Variants in RALGPS1 observed in about 807,000 individuals in gnomAD.
RALGPS1 encodes ras-specific guanine nucleotide-releasing factor RalGPS1.
Under a neutral mutation model 78.8 loss-of-function variants are expected in RALGPS1, and 19 were observed. The ratio of observed to expected loss-of-function variants is 0.24; its 90% confidence interval spans 0.17 to 0.35. The LOEUF is 0.35. Among genes scored for constraint, RALGPS1 ranks in the 10% least tolerant of loss-of-function variants. The pLI is 1.00. For missense variants in RALGPS1, 454 were observed against 688.3 expected (o/e 0.66, Z 3.81); for synonymous variants, 228 against 256.3 (o/e 0.89, Z 1.06).
At chr9:127,178,291 G>T in intron 11 of RALGPS1, 1 of 349,116 alleles carries the variant, frequency 2.9e-6, no homozygotes, top group Non-Finnish European at 5.1e-6. Context: ...GCATCTCAGG[G>T]GTCAGCCTCC....
rs532397703 is a variant in RALGPS1 at position 127,006,937 on chromosome 9, G to A, written c.217-27494G>A. ...ACTTTTGTGCATGAAAGGGAGAGAG[G>A]GAGAGAGGAGAGAGAGAAAGAGAGG... On this transcript the variant is annotated intron_variant, in intron 4 of 18. Coordinates refer to ENST00000259351, the MANE Select transcript of RALGPS1 (RefSeq NM_014636.3). 2.8e-3 allele frequency among the ~76,000 whole-genome samples: 422 copies of A among 152,094 alleles called. 1 individual carries two copies. The highest frequency in any genetic ancestry group is 4.5e-3 in the Non-Finnish European group (306 of 67,984).
At chr9:126,955,355 T>C (rs1264581080) in intron 1 of RALGPS1, among the ~76,000 whole-genome samples, 2 of 152,174 alleles carry the variant, frequency 1.3e-5, no homozygotes, top group Non-Finnish European at 2.9e-5. Flanking sequence ...AACTGAAATT[T>C]AGCATTTCTC....
Position 127,118,015 on chromosome 9 carries a change from C to A in RALGPS1, c.611-48054C>A, listed in dbSNP as rs564234046. Among the ~76,000 whole-genome samples, 164 of 152,302 alleles carry A rather than the reference C, an allele frequency of 1.1e-3. 12 individuals carry two copies. Among genetic ancestry groups the A allele is most frequent in the East Asian group, 3.7e-3 (19 of 5,176 alleles). ...GATTTCAGCAGAGAATGGACTGACA[C>A]AATAGTTCAGTTGTGAGAGGCCTGG... is the stretch of plus-strand genomic sequence containing the variant. On this transcript the variant is annotated intron_variant, in intron 8 of 18. Transcript: ENST00000259351.
At chr9:127,096,721 G>A (rs573327459) in intron 8 of RALGPS1, among the ~76,000 whole-genome samples, 1 of 152,342 alleles carries the variant, frequency 6.6e-6, no homozygotes, top group East Asian at 1.9e-4. Context: ...TCAGAAAAAT[G>A]CACAGACTCA....
intron 11 of RALGPS1, among the ~76,000 whole-genome samples, chr9:127,192,792 G>A (rs901664294): frequency 7.2e-5 from 11 of 152,238 alleles, no homozygotes; most frequent in African/African-American, 2.7e-4. Flanking sequence ...AGGAAGAGAA[G>A]GATCTCACGG....
At position 127,205,956 on chromosome 9, in the gene RALGPS1, G is replaced by A. The variant is rs959869605; in HGVS notation, c.1248-6175G>A. 2.6e-5 allele frequency among the ~76,000 whole-genome samples: 4 copies of A among 152,220 alleles called. No individual in the cohort carries two copies. Among genetic ancestry groups the A allele is most frequent in the Admixed American group, 2.6e-4 (4 of 15,284 alleles). On this transcript the variant is annotated intron_variant, in intron 14 of 18. Transcript: ENST00000259351. The surrounding 1 kb of genome is among the most constrained non-coding windows in gnomAD (Gnocchi z 4.0). ...AATGTGGTTCCTAGGGACCCACTTA[G>A]TGAATCAGGGACATTGCCCAGAGAA...
intron 8 of RALGPS1, among the ~76,000 whole-genome samples, chr9:127,076,597 A>G (rs960437885): frequency 1.3e-5 from 2 of 152,218 alleles, no homozygotes; most frequent in African/African-American, 4.8e-5. Flanking sequence ...CCAAATATAA[A>G]ATCAACAGGG....
intron 8 of RALGPS1, among the ~76,000 whole-genome samples, chr9:127,130,850 C>A (rs1462444463): frequency 6.6e-6 from 1 of 152,226 alleles, no homozygotes; most frequent in Non-Finnish European, 1.5e-5. Context: ...CCCTTTCAAC[C>A]TCTTCGTTAT....
chr9:126,951,894 A>G (rs1253362283), intron 1 of RALGPS1, among the ~76,000 whole-genome samples: 2 of 152,240 alleles, frequency 1.3e-5, no homozygotes, highest in African/African-American at 4.8e-5. Context: ...CTGTTTGCAG[A>G]TGACATGATT....
Position 127,196,519 on chromosome 9 carries a change from C to G in RALGPS1, c.1083C>G (p.Phe361Leu). The G allele has an allele frequency of 6.2e-7, 1 of 1,614,146 alleles. No homozygotes were observed. The highest frequency in any genetic ancestry group is 1.1e-5 in the South Asian group (1 of 91,064). The change falls in exon 13 of 19, where the codon TTC (phenylalanine) becomes TTG (leucine). Residue 361 changes from phenylalanine (F) to leucine (L), a missense_variant. Coordinates refer to ENST00000259351, the MANE Select transcript of RALGPS1 (RefSeq NM_014636.3). ...LSVVESKSAT[F>L]PSEKARHLLD... Reference sequence around the variant, plus strand: ...TAGTTGAGAGTAAAAGTGCGACATTCCCATCGGAGAAAGCAAGGCACCTAC... The same window carrying G: ...TAGTTGAGAGTAAAAGTGCGACATTGCCATCGGAGAAAGCAAGGCACCTAC...
intron 1 of RALGPS1, among the ~76,000 whole-genome samples, chr9:126,955,401 T>C (rs1366497058): frequency 6.6e-6 from 1 of 152,190 alleles, no homozygotes. Context: ...CACAGTAATA[T>C]TAACAGTACC....
intron 1 of RALGPS1, among the ~76,000 whole-genome samples, chr9:126,949,262 G>T (rs545310652): frequency 6.6e-6 from 1 of 152,138 alleles, no homozygotes; most frequent in African/African-American, 2.4e-5. Context: ...GAATAGTGCC[G>T]CAATAAACAT....
At chr9:126,986,163 C>G (rs2041781077) in intron 4 of RALGPS1, among the ~76,000 whole-genome samples, 2 of 152,188 alleles carry the variant, frequency 1.3e-5, no homozygotes, top group African/African-American at 4.8e-5. Flanking sequence ...AACATCATTT[C>G]AGGGCTTAGA....
At chr9:127,118,502 A>AGGCTG (rs2055690723) in intron 8 of RALGPS1, among the ~76,000 whole-genome samples, 1 of 152,138 alleles carries the variant, frequency 6.6e-6, no homozygotes, top group Non-Finnish European at 1.5e-5. Flanking sequence ...GGATGGCAGC[A>AGGCTG]GGCTGGGGTG....
At chr9:127,092,851 C>G (rs893244334) in intron 8 of RALGPS1, among the ~76,000 whole-genome samples, 1 of 152,038 alleles carries the variant, frequency 6.6e-6, no homozygotes, top group Non-Finnish European at 1.5e-5. Flanking sequence ...GGGGGACAAC[C>G]AGGACAGGAG....
At chr9:127,137,846 A>T (rs2057506345) in intron 8 of RALGPS1, among the ~76,000 whole-genome samples, 1 of 152,098 alleles carries the variant, frequency 6.6e-6, no homozygotes, top group African/African-American at 2.4e-5. Flanking sequence ...GGTTAGATGG[A>T]TATGGCCATT....
At chr9:127,149,345 A>G (rs945121242) in intron 8 of RALGPS1, among the ~76,000 whole-genome samples, 4 of 152,218 alleles carry the variant, frequency 2.6e-5, no homozygotes, top group African/African-American at 7.2e-5. Context: ...TGTGAGGTCC[A>G]TGGTAGGGGT....
At chr9:127,014,151 G>T (rs1048185338) in intron 4 of RALGPS1, among the ~76,000 whole-genome samples, 1 of 152,214 alleles carries the variant, frequency 6.6e-6, no homozygotes, top group Non-Finnish European at 1.5e-5. Context: ...CGGGCCTGAG[G>T]TTGGGAACAC....
At chr9:127,051,068 A>C (rs941353826) in intron 6 of RALGPS1, among the ~76,000 whole-genome samples, 2 of 152,218 alleles carry the variant, frequency 1.3e-5, no homozygotes, top group Non-Finnish European at 2.9e-5. Context: ...CTCTGCCTTC[A>C]GGGAAGCTGC....
Sources: allele counts gnomAD v4.1 joint callset (sites outside exome capture counted in the v4.1 genomes callset), GRCh38; gene constraint gnomAD v4.1.1; non-coding constraint Gnocchi (gnomAD v3.1); transcripts MANE v1.5; gene names NCBI Gene and HGNC (gene_info 2026-07-23, HGNC 2026-07-21).